DAGLA: variants seen among roughly 807,000 people sequenced by gnomAD.
DAGLA encodes diacylglycerol lipase-alpha.
Under a neutral mutation model 102.6 loss-of-function variants are expected in DAGLA, and 22 were observed. The observed-to-expected ratio is 0.21, with a 90% CI of 0.15 to 0.31. The LOEUF (loss-of-function observed/expected upper bound fraction) is 0.31, where lower values mean the gene tolerates loss of function less well. DAGLA is among the 10% of genes least tolerant of loss of function. The pLI, the probability that DAGLA is intolerant of heterozygous loss-of-function variation, is 1.00. For synonymous variants in DAGLA, 578 were observed against 628.9 expected (o/e 0.92, Z 1.21); for missense variants, 927 against 1,446.6 (o/e 0.64, Z 5.83).
intron 1 of DAGLA, among the ~76,000 whole-genome samples, chr11:61,718,724 T>TG (rs2065257313): frequency 6.6e-6 from 1 of 150,794 alleles, no homozygotes; most frequent in African/African-American, 2.4e-5. Context: ...TTCCTGAGGG[T>TG]GGGGGGAGGA....
intron 1 of DAGLA, among the ~76,000 whole-genome samples, chr11:61,711,580 C>A (rs2065194820): frequency 6.6e-6 from 1 of 152,208 alleles, no homozygotes; most frequent in African/African-American, 2.4e-5. Flanking sequence ...CTGGCCCTCA[C>A]TTCCCGCTCC....
intron 1 of DAGLA, among the ~76,000 whole-genome samples, chr11:61,700,882 C>T (rs1269615430): frequency 2.0e-5 from 3 of 152,240 alleles, no homozygotes; most frequent in Non-Finnish European, 2.9e-5. Flanking sequence ...AGCAACGAGA[C>T]CCCCTGCATG....
chr11:61,701,714 T>C (rs376784054), intron 1 of DAGLA, among the ~76,000 whole-genome samples: 1 of 152,312 alleles, frequency 6.6e-6, no homozygotes, highest in South Asian at 2.1e-4. Flanking sequence ...ACCTGCCCTT[T>C]ACCGAGTCTC....
chr11:61,729,491 G>C (rs1406943662), intron 8 of DAGLA, among the ~76,000 whole-genome samples: 3 of 152,186 alleles, frequency 2.0e-5, no homozygotes, highest in Non-Finnish European at 2.9e-5. Context: ...GCCCAGTACA[G>C]CCCAGGGCCC....
chr11:61,695,186 A>C (rs1484298612), intron 1 of DAGLA, among the ~76,000 whole-genome samples: 1 of 152,192 alleles, frequency 6.6e-6, no homozygotes, highest in East Asian at 1.9e-4. Context: ...GCATCTGCCC[A>C]CAGGCTCTGG....
At chr11:61,733,346 T>C (rs758912803) in intron 9 of DAGLA, among the ~76,000 whole-genome samples, 2 of 152,148 alleles carry the variant, frequency 1.3e-5, no homozygotes, top group Non-Finnish European at 2.9e-5. Context: ...CCACTTGACC[T>C]GCAGTGTGGG....
At chr11:61,720,987 T>C (rs1025675536) in intron 3 of DAGLA, 97 bp downstream of exon 3, 2 of 1,203,164 alleles carry the variant, frequency 1.7e-6, no homozygotes, top group African/African-American at 3.0e-5. Context: ...AGCCAGGCCC[T>C]GTTTTAGCAC....
intron 19 of DAGLA, among the ~76,000 whole-genome samples, chr11:61,741,704 C>T (rs2065482212): frequency 6.6e-6 from 1 of 151,948 alleles, no homozygotes; most frequent in African/African-American, 2.4e-5. Flanking sequence ...CTCCACCTCC[C>T]AGGTTCAAGC....
At chr11:61,727,616 C>G (rs916563319) in intron 6 of DAGLA, among the ~76,000 whole-genome samples, 1 of 152,220 alleles carries the variant, frequency 6.6e-6, no homozygotes, top group Admixed American at 6.5e-5. Flanking sequence ...CCAGAGAGTA[C>G]ACCCCCTTCT....
chr11:61,718,187 A>G (rs994911432), intron 1 of DAGLA, among the ~76,000 whole-genome samples: 1 of 152,070 alleles, frequency 6.6e-6, no homozygotes, highest in African/African-American at 2.4e-5. Context: ...GCCAGACCCT[A>G]GCCCTCCAGC....
chr11:61,734,727 G>T lies in DAGLA; in HGVS notation c.975-122G>T. The T allele has an allele frequency of 1.1e-6, 1 of 932,288 alleles. No homozygotes were observed. 57.8% of individuals were successfully genotyped at this position (932,288 alleles called of 1,614,324 possible). On this transcript the variant is annotated intron_variant, in intron 9 of 19. Transcript: ENST00000257215. This position sits in a 1 kb window ranked among gnomAD's most constrained non-coding sequence, Gnocchi z 4.2. ...TGGGGGTCACTAGGACTTAGCAAGG[G>T]CAATTTGGTAGAGGCAGTGGGGCTG...
intron 14 of DAGLA, 142 bp downstream of exon 14, chr11:61,737,466 G>A: frequency 7.7e-7 from 1 of 1,292,404 alleles, no homozygotes; most frequent in Non-Finnish European, 1.1e-6. Context: ...TGGAGGGTGG[G>A]GGCTCTGAAA....
At chr11:61,733,718 A>G (rs1283765657) in intron 9 of DAGLA, among the ~76,000 whole-genome samples, 1 of 152,196 alleles carries the variant, frequency 6.6e-6, no homozygotes, top group Non-Finnish European at 1.5e-5. Context: ...TGCTGGGGAT[A>G]CAGCTGTGGA....
At chr11:61,688,822 TC>T (rs2065004373) in intron 1 of DAGLA, among the ~76,000 whole-genome samples, 2 of 152,146 alleles carry the variant, frequency 1.3e-5, no homozygotes, top group Non-Finnish European at 1.5e-5. Context: ...CTGTGTCTGT[TC>T]CGGAAAGCGA....
chr11:61,681,601 C>T (rs2064942919), intron 1 of DAGLA, among the ~76,000 whole-genome samples: 1 of 152,088 alleles, frequency 6.6e-6, no homozygotes, highest in African/African-American at 2.4e-5. Context: ...TGGGAGTTGC[C>T]TCTCTTCTTT....
In DAGLA at chr11:61,743,872, A is replaced by G; in HGVS notation, c.2512A>G (p.Thr838Ala). Reference sequence around the variant, plus strand: ...GGAAAACCCATCCCTGAGCTCGCGCACTGAGCTGCTGGCGGCCGACAGCCT... The same window carrying G: ...GGAAAACCCATCCCTGAGCTCGCGCGCTGAGCTGCTGGCGGCCGACAGCCT... ...PEENPSLSSR[T>A]ELLAADSLSK... is the part of the protein sequence containing the mutation. The change falls in exon 20 of 20, where the codon ACT (threonine) becomes GCT (alanine). Residue 838 changes from threonine (T) to alanine (A), a missense_variant. Coordinates refer to ENST00000257215, the MANE Select transcript of DAGLA (RefSeq NM_006133.3). 6.2e-7 allele frequency: 1 copy of G among 1,612,488 alleles called. No homozygotes were observed. The highest frequency in any genetic ancestry group is 8.5e-7 in the Non-Finnish European group (1 of 1,179,902).
At chr11:61,704,408 C>T in intron 1 of DAGLA, among the ~76,000 whole-genome samples, 1 of 152,252 alleles carries the variant, frequency 6.6e-6, no homozygotes, top group Non-Finnish European at 1.5e-5. Context: ...GCGTGAGCCA[C>T]TGTGCCCTGC....
At chr11:61,721,965 C>G (rs2077791296) in intron 3 of DAGLA, among the ~76,000 whole-genome samples, 1 of 152,238 alleles carries the variant, frequency 6.6e-6, no homozygotes. Context: ...TGGGGCTTTC[C>G]AGGCTGCCCC....
intron 1 of DAGLA, among the ~76,000 whole-genome samples, chr11:61,706,241 T>C (rs1406535078): frequency 6.6e-6 from 1 of 152,194 alleles, no homozygotes; most frequent in Non-Finnish European, 1.5e-5. Flanking sequence ...TCAAATGGCT[T>C]TGGAGCCTTC....
Sources: allele counts gnomAD v4.1 joint callset (sites outside exome capture counted in the v4.1 genomes callset), GRCh38; gene constraint gnomAD v4.1.1; non-coding constraint Gnocchi (gnomAD v3.1); transcripts MANE v1.5; gene names NCBI Gene and HGNC (gene_info 2026-07-23, HGNC 2026-07-21).